The following NR5A2 variants were observed in gnomAD, a reference collection of about 807,000 sequenced individuals.
The protein encoded by NR5A2 is CYP7A promoter-binding factor.
Under a neutral mutation model 62.7 loss-of-function variants are expected in NR5A2, and 26 were observed. The observed-to-expected ratio is 0.41, with a 90% CI of 0.30 to 0.58. NR5A2 has a LOEUF of 0.58. Among genes scored for constraint, NR5A2 ranks in the 20% least tolerant of loss-of-function variants. NR5A2 has a pLI of 0.22. For missense variants in NR5A2, 541 were observed against 669.1 expected (o/e 0.81, Z 2.11); for synonymous variants, 246 against 241.7 (o/e 1.02, Z -0.16).
chr1:200,130,539 C>A (rs1254581880), intron 7 of NR5A2, among the ~76,000 whole-genome samples: 1 of 152,156 alleles, frequency 6.6e-6, no homozygotes, highest in Admixed American at 6.5e-5. Context: ...GCTGTAAGAG[C>A]TTCAGAAGGG....
At chr1:200,063,738 A>G (rs981180854) in intron 5 of NR5A2, among the ~76,000 whole-genome samples, 3 of 152,260 alleles carry the variant, frequency 2.0e-5, no homozygotes, top group African/African-American at 7.2e-5. Context: ...CATTTCAGCC[A>G]TAAATGGGTA....
intron 7 of NR5A2, among the ~76,000 whole-genome samples, chr1:200,145,470 G>T (rs1224980231): frequency 4.0e-5 from 1 of 25,168 alleles, no homozygotes; most frequent in Non-Finnish European, 6.6e-5. Flanking sequence ...GATAGAATTT[G>T]TGTGTGTGTG....
intron 5 of NR5A2, among the ~76,000 whole-genome samples, chr1:200,067,663 T>G (rs1472441727): frequency 1.3e-5 from 2 of 152,116 alleles, no homozygotes; most frequent in African/African-American, 4.8e-5. Context: ...GCAGAAAAGA[T>G]AACTACAGGG....
At chr1:200,158,597 G>A (rs538293058) in intron 7 of NR5A2, among the ~76,000 whole-genome samples, 27 of 152,224 alleles carry the variant, frequency 1.8e-4, no homozygotes, top group Admixed American at 5.2e-4. Flanking sequence ...GGCTAAAACA[G>A]GAAGGCATTC....
At chr1:200,062,263 G>GTGTCCA (rs1663264375) in intron 5 of NR5A2, among the ~76,000 whole-genome samples, 1 of 150,604 alleles carries the variant, frequency 6.6e-6, no homozygotes, top group Non-Finnish European at 1.5e-5. Context: ...GTGTGTATCT[G>GTGTCCA]TGTCCATGTG....
chr1:200,159,640 T>TTTATTATTA (rs59297519), intron 7 of NR5A2, among the ~76,000 whole-genome samples: 14 of 148,650 alleles, frequency 9.4e-5, no homozygotes, highest in South Asian at 2.1e-4. Context: ...TTTTAAATTA[T>TTTATTATTA]TTATTATTAT....
At chr1:200,114,281 TACACATATATATAC>T (rs1286293367) in intron 6 of NR5A2, among the ~76,000 whole-genome samples, 1 of 126,878 alleles carries the variant, frequency 7.9e-6, no homozygotes, top group African/African-American at 2.8e-5. Context: ...TACATATATA[TACACATATATATAC>T]ACACACATAT....
intron 7 of NR5A2, among the ~76,000 whole-genome samples, chr1:200,162,919 G>T (rs931745136): frequency 1.3e-5 from 2 of 152,172 alleles, no homozygotes; most frequent in Admixed American, 6.5e-5. Flanking sequence ...TGGCTATCAG[G>T]TAGAGACATC....
At chr1:200,166,295 G>T (rs895012630) in intron 7 of NR5A2, among the ~76,000 whole-genome samples, 1 of 152,112 alleles carries the variant, frequency 6.6e-6, no homozygotes, top group African/African-American at 2.4e-5. Context: ...AATTGGAAGG[G>T]GTTGGGGTGG....
chr1:200,154,019 A>G (rs1487560626), intron 7 of NR5A2, among the ~76,000 whole-genome samples: 1 of 152,244 alleles, frequency 6.6e-6, no homozygotes, highest in Non-Finnish European at 1.5e-5. Context: ...ATTCAGTTGC[A>G]TTCTTAAATT....
intron 5 of NR5A2, among the ~76,000 whole-genome samples, chr1:200,071,240 G>A (rs1347788110): frequency 6.6e-6 from 1 of 152,162 alleles, no homozygotes; most frequent in Non-Finnish European, 1.5e-5. Context: ...TATTTCATAT[G>A]CTTTTGCTCT....
At chr1:200,109,677 T>A (rs920343664) in intron 5 of NR5A2, among the ~76,000 whole-genome samples, 2 of 152,198 alleles carry the variant, frequency 1.3e-5, no homozygotes, top group African/African-American at 4.8e-5. Flanking sequence ...TAAAAATGAA[T>A]TTGATAAAGT....
chr1:200,069,187 TCAAA>T (rs1395578388), intron 5 of NR5A2, among the ~76,000 whole-genome samples: 1 of 150,728 alleles, frequency 6.6e-6, no homozygotes, highest in Non-Finnish European at 1.5e-5. Flanking sequence ...AATATGTATA[TCAAA>T]CAAATTTAAA....
Position 200,039,399 on chromosome 1 carries a change from C to T in NR5A2, c.65-259C>T, listed in dbSNP as rs1421703340. ...CCGGGCAGCTGCGTCCTCGCCACCG[C>T]CGCCGCCTGCGCCCTTGCGGAGCCG... On this transcript the variant is annotated intron_variant, in intron 1 of 7. Transcript: ENST00000367362. The surrounding 1 kb of genome is among the most constrained non-coding windows in gnomAD (Gnocchi z 5.1). Among the ~76,000 whole-genome samples, 1 of 151,848 alleles carries T rather than the reference C, an allele frequency of 6.6e-6. No individual in the cohort carries two copies. The highest frequency in any genetic ancestry group is 2.4e-5 in the African/African-American group (1 of 41,332).
chr1:200,121,459 G>A (rs945818470), intron 7 of NR5A2, among the ~76,000 whole-genome samples: 4 of 152,216 alleles, frequency 2.6e-5, no homozygotes, highest in African/African-American at 9.6e-5. Flanking sequence ...CACTATGCAA[G>A]TACAAAAGAT....
chr1:200,069,615 T>C (rs184124158), intron 5 of NR5A2, among the ~76,000 whole-genome samples: 88 of 152,310 alleles, frequency 5.8e-4, no homozygotes, highest in Admixed American at 5.2e-3. Context: ...TTTACTATTA[T>C]CTAATTAGGA....
At chr1:200,090,905 T>C (rs889014588) in intron 5 of NR5A2, among the ~76,000 whole-genome samples, 2 of 152,236 alleles carry the variant, frequency 1.3e-5, no homozygotes, top group African/African-American at 2.4e-5. Flanking sequence ...TGGAGTGCGA[T>C]GGAAATTCCA....
Position 200,039,186 on chromosome 1 carries a change from A to G in NR5A2, c.65-472A>G, listed in dbSNP as rs748728651. ...GGGGAAGGGGCGGAGAGGAGGGGAG[A>G]GAGAAGGGAGGCGAGAGAAAGAGGA... On this transcript the variant is annotated intron_variant, in intron 1 of 7. Transcript: ENST00000367362. This position sits in a 1 kb window ranked among gnomAD's most constrained non-coding sequence, Gnocchi z 5.1. Among the ~76,000 whole-genome samples, 4 of 152,126 alleles carry G rather than the reference A, an allele frequency of 2.6e-5. No homozygotes were observed. The highest frequency in any genetic ancestry group is 2.9e-5 in the Non-Finnish European group (2 of 67,954).
intron 6 of NR5A2, among the ~76,000 whole-genome samples, chr1:200,112,260 A>G (rs1432144665): frequency 6.6e-6 from 1 of 152,200 alleles, no homozygotes; most frequent in Non-Finnish European, 1.5e-5. Context: ...GTCTTTGGAG[A>G]GAGTCTACTT....
Sources: gnomAD v4.1 joint callset for allele counts (sites outside exome capture counted in the v4.1 genomes callset) on GRCh38, gnomAD v4.1.1 for gene constraint, Gnocchi (gnomAD v3.1) non-coding constraint, MANE v1.5 for transcripts, NCBI Gene and HGNC (gene_info 2026-07-23, HGNC 2026-07-21) for gene names.